The following SRSF4 variants were observed in gnomAD, a reference collection of about 807,000 sequenced individuals.
SRSF4 encodes the protein serine/arginine-rich splicing factor 4.
SRSF4 carries 12 observed loss-of-function variants against 48.8 expected under a neutral mutation model. That is an observed-to-expected ratio of 0.25 (90% CI 0.16 to 0.40). The LOEUF is 0.40. Among genes scored for constraint, SRSF4 ranks in the 10% least tolerant of loss-of-function variants. SRSF4 has a pLI of 1.00. For missense variants in SRSF4, 466 were observed against 667.1 expected, an observed-to-expected ratio of 0.70 and a Z score of 3.32; for synonymous variants, 248 against 232.5, an observed-to-expected ratio of 1.07 and a Z score of -0.61.
At chr1:29,174,120 C>A (rs1672797035) in intron 1 of SRSF4, among the ~76,000 whole-genome samples, 1 of 150,614 alleles carries the variant, frequency 6.6e-6, no homozygotes, top group East Asian at 2.0e-4. Flanking sequence ...ACCCGGGAGG[C>A]AGAGGTTGCA....
At chr1:29,158,101 G>A (rs182347015) in intron 3 of SRSF4, among the ~76,000 whole-genome samples, 20 of 152,096 alleles carry the variant, frequency 1.3e-4, no homozygotes, top group African/African-American at 3.6e-4. Context: ...CCCCAGAGGC[G>A]GAGGTTGCAG....
chr1:29,177,283 G>GTTT (rs397934546), intron 1 of SRSF4, among the ~76,000 whole-genome samples: 63 of 137,852 alleles, frequency 4.6e-4, no homozygotes, highest in African/African-American at 6.5e-4. Context: ...AACTCTTTTT[G>GTTT]TTTTTTTTTT....
chr1:29,180,399 T>C (rs1672937158), intron 1 of SRSF4, among the ~76,000 whole-genome samples: 1 of 152,256 alleles, frequency 6.6e-6, no homozygotes, highest in Non-Finnish European at 1.5e-5. Flanking sequence ...AGTACTTTAC[T>C]AAAGACGTCC....
chr1:29,148,074 A>G lies in SRSF4; in HGVS notation c.*336T>C, dbSNP rs1558384882. 4.0e-6 allele frequency: 2 copies of G among 506,224 alleles called. No individual in the cohort carries two copies. Among genetic ancestry groups the G allele is most frequent in the Non-Finnish European group, 7.7e-6 (2 of 260,448 alleles). The allele number at this position is 506,224 out of a possible 1,614,324, so 31.4% of individuals were successfully genotyped here. A position where few individuals can be genotyped will look rare whatever the true frequency, so the allele number is the denominator to read the frequency against. ...GAGCAAAAATGGTTGAACTCACCAT[A>G]CCTACCTATGTGGTCATTCCAGCCT... On this transcript the variant is annotated 3_prime_UTR_variant, in exon 6 of 6. Coordinates refer to ENST00000373795, the MANE Select transcript of SRSF4 (RefSeq NM_005626.5).
At chr1:29,175,699 A>AAG (rs2151826573) in intron 1 of SRSF4, among the ~76,000 whole-genome samples, 1 of 143,958 alleles carries the variant, frequency 6.9e-6, no homozygotes, top group Non-Finnish European at 1.5e-5. Flanking sequence ...TGTCTCAAAA[A>AAG]AAAAAAAAAA....
At chr1:29,157,622 G>A (rs903838197) in intron 3 of SRSF4, among the ~76,000 whole-genome samples, 1 of 152,194 alleles carries the variant, frequency 6.6e-6, no homozygotes, top group East Asian at 1.9e-4. Context: ...GAAGGTTGCT[G>A]GGATTAAATT....
chr1:29,165,382 G>GT (rs1350126873), intron 1 of SRSF4, among the ~76,000 whole-genome samples: 1 of 152,176 alleles, frequency 6.6e-6, no homozygotes, highest in Non-Finnish European at 1.5e-5. Context: ...CTGGAATGAC[G>GT]TATTTTTAAA....
At position 29,180,684 on chromosome 1, in the gene SRSF4, T is replaced by C. The variant is rs145473707; in HGVS notation, c.107+962A>G. Among the ~76,000 whole-genome samples, 81 of 152,322 alleles carry C rather than the reference T, an allele frequency of 5.3e-4. 1 individual carries two copies. Among genetic ancestry groups the C allele is most frequent in the African/African-American group, 1.9e-3 (78 of 41,564 alleles). ...TCACCCCAGTCCTTTTAATTTTATA[T>C]CCATGCCTTCCAAGCCCTACCTAAC... is the stretch of plus-strand genomic sequence containing the variant. On this transcript the variant is annotated intron_variant, in intron 1 of 5. Transcript: ENST00000373795.
At chr1:29,168,971 G>A (rs912002513) in intron 1 of SRSF4, 2 of 152,138 alleles carry the variant, frequency 1.3e-5, no homozygotes, top group Non-Finnish European at 2.9e-5. Context: ...AACCAGAAAA[G>A]TACCATGCAG....
chr1:29,172,989 T>TA (rs1414865640), intron 1 of SRSF4: 3 of 151,984 alleles, frequency 2.0e-5, no homozygotes, highest in Non-Finnish European at 2.9e-5. Flanking sequence ...ATAAATTAAG[T>TA]AAAAAAAGCG....
chr1:29,172,394 C>T (rs36067583), intron 1 of SRSF4: 2,064 of 152,266 alleles, frequency 0.014, 20 homozygotes, highest in Middle Eastern at 0.085. Context: ...CGGGTTCAAG[C>T]GGTTCTCCTG....
chr1:29,174,007 G>C (rs1323776915), intron 1 of SRSF4, among the ~76,000 whole-genome samples: 1 of 151,592 alleles, frequency 6.6e-6, no homozygotes, highest in Non-Finnish European at 1.5e-5. Context: ...TGGCCAACAA[G>C]GTGAAACTGT....
chr1:29,162,534 C>T (rs939359208), intron 1 of SRSF4, among the ~76,000 whole-genome samples: 4 of 152,142 alleles, frequency 2.6e-5, no homozygotes, highest in Non-Finnish European at 4.4e-5. Context: ...AACAAAAGTG[C>T]CCTCCTGAAT....
intron 1 of SRSF4, among the ~76,000 whole-genome samples, chr1:29,164,497 T>A (rs995895356): frequency 1.3e-5 from 2 of 152,230 alleles, no homozygotes; most frequent in African/African-American, 4.8e-5. Context: ...CACACATGCA[T>A]GTATACATAC....
chr1:29,149,693 A>G (rs995399863), intron 5 of SRSF4, among the ~76,000 whole-genome samples: 6 of 127,936 alleles, frequency 4.7e-5, no homozygotes, highest in African/African-American at 1.0e-4. Context: ...GGGGGGAAAA[A>G]AAAAAAAAAA....
At chr1:29,152,659 CTG>C (rs1258914256) in intron 4 of SRSF4, among the ~76,000 whole-genome samples, 5 of 152,132 alleles carry the variant, frequency 3.3e-5, no homozygotes, top group South Asian at 2.1e-4. Context: ...TGGCTCAAGA[CTG>C]TAATCCAAGC....
chr1:29,173,402 C>T (rs564949473), intron 1 of SRSF4: 1 of 151,008 alleles, frequency 6.6e-6, no homozygotes, highest in Admixed American at 6.6e-5. Flanking sequence ...CCTCGGCCTC[C>T]CAAAGTGCTG....
At chr1:29,173,145 T>C (rs1558392897) in intron 1 of SRSF4, 1 of 138,568 alleles carries the variant, frequency 7.2e-6, no homozygotes, top group Non-Finnish European at 1.6e-5. Flanking sequence ...TTTTTTTTTT[T>C]TTTTTTTTTT....
At chr1:29,161,268 C>A (rs1446782650) in intron 1 of SRSF4, among the ~76,000 whole-genome samples, 1 of 152,140 alleles carries the variant, frequency 6.6e-6, no homozygotes, top group Non-Finnish European at 1.5e-5. Flanking sequence ...AGCTAAAGTG[C>A]AAAATTTGTA....
Sources: allele counts gnomAD v4.1 joint callset (sites outside exome capture counted in the v4.1 genomes callset), GRCh38; gene constraint gnomAD v4.1.1; transcripts MANE v1.5; gene names NCBI Gene and HGNC (gene_info 2026-07-23, HGNC 2026-07-21).